The following DNAH9 variants were observed in gnomAD, a reference collection of about 807,000 sequenced individuals.
DNAH9 encodes the protein DNAH9 variant protein.
A neutral mutation model predicts 471.6 loss-of-function variants in DNAH9; 345 were observed. The observed-to-expected ratio is 0.73, with a 90% CI of 0.67 to 0.80. The LOEUF (loss-of-function observed/expected upper bound fraction) is 0.80. Among genes scored for constraint, DNAH9 ranks in the 30% least tolerant of loss-of-function variants. DNAH9 has a pLI of 0.00. For synonymous variants in DNAH9, 2,093 were observed against 2,123.6 expected, an observed-to-expected ratio of 0.99 and a Z score of 0.40; for missense variants, 5,407 against 5,609.2, an observed-to-expected ratio of 0.96 and a Z score of 1.15.
chr17:11,810,993 T>A (rs1048640186), intron 45 of DNAH9, among the ~76,000 whole-genome samples: 1 of 152,220 alleles, frequency 6.6e-6, no homozygotes, highest in African/African-American at 2.4e-5. Flanking sequence ...TTTATTGTCC[T>A]TCTTTATTTA....
rs1229499727 is a variant in DNAH9 at position 11,785,552 on chromosome 17, C to CAG, written c.8061+1017_8061+1018dup. ...AGCAGAAACCTACTAAACCCTGGTTCAGAGACTCAAGAGCTATGGACCAGG... is the reference window on the plus strand; with the variant it reads ...AGCAGAAACCTACTAAACCCTGGTTCAGAGAGACTCAAGAGCTATGGACCAGG... On this transcript the variant is annotated intron_variant, in intron 41 of 68. Transcript: ENST00000262442. Among the ~76,000 whole-genome samples the CAG allele has an allele frequency of 7.2e-5, 11 of 152,224 alleles. No individual in the cohort carries two copies. In the East Asian group the frequency reaches 2.1e-3, roughly 29 times the overall value.
At chr17:11,854,472 T>A in intron 50 of DNAH9, 44 bp downstream of exon 50, 1 of 1,561,564 alleles carries the variant, frequency 6.4e-7, no homozygotes, top group Non-Finnish European at 8.7e-7. Context: ...CCGCCTCCAA[T>A]ACAAACAACG....
intron 14 of DNAH9, among the ~76,000 whole-genome samples, chr17:11,655,655 C>A (rs1186638003): frequency 1.3e-5 from 2 of 151,058 alleles, no homozygotes; most frequent in African/African-American, 2.4e-5. Flanking sequence ...TAGACACACA[C>A]ACACACACCA....
intron 3 of DNAH9, among the ~76,000 whole-genome samples, chr17:11,611,046 T>TTGCTCCTGCTCCTGCTCCTGCTCC (rs61286679): frequency 6.6e-6 from 1 of 150,992 alleles, no homozygotes; most frequent in Admixed American, 6.6e-5. Context: ...GGCTTCATTA[T>TTGCTCCTGCTCCTGCTCCTGCTCC]TGCTCCTGCT....
intron 53 of DNAH9, 96 bp from the exon 54 acceptor site, chr17:11,879,982 C>A: frequency 2.1e-6 from 3 of 1,427,286 alleles, no homozygotes; most frequent in Non-Finnish European, 2.9e-6. Flanking sequence ...CCAACTATAC[C>A]ACCATGTCTT....
chr17:11,734,416 T>C (rs1012681607), intron 28 of DNAH9, among the ~76,000 whole-genome samples: 29 of 152,232 alleles, frequency 1.9e-4, no homozygotes, highest in African/African-American at 6.8e-4. Context: ...ATCGGTACTT[T>C]CTAAAAACTT....
intron 43 of DNAH9, among the ~76,000 whole-genome samples, chr17:11,805,501 T>G (rs894432324): frequency 1.4e-5 from 2 of 144,648 alleles, no homozygotes; most frequent in Non-Finnish European, 3.0e-5. Flanking sequence ...TCTACTCTAT[T>G]TGGCCAAACT....
intron 49 of DNAH9, among the ~76,000 whole-genome samples, chr17:11,838,578 T>A (rs904618328): frequency 5.3e-5 from 8 of 151,854 alleles, no homozygotes; most frequent in African/African-American, 9.7e-5. Flanking sequence ...AAGACCCAGA[T>A]GAATGAAGGG....
rs1197378401 is a variant in DNAH9 at position 11,669,451 on chromosome 17, T to C, written c.3010T>C (p.Cys1004Arg). 3 of 1,614,102 alleles carry C rather than the reference T, an allele frequency of 1.9e-6. No individual in the cohort carries two copies. Among genetic ancestry groups the C allele is most frequent in the Non-Finnish European group, 8.5e-7 (1 of 1,179,976 alleles). The change falls in exon 17 of 69, where the codon TGT becomes CGT. Residue 1004 changes from cysteine (C) to arginine (R), a missense_variant. This residue lies in a region of DNAH9 where 4,636 missense variants were observed against 4,900.3 expected (regional missense o/e 0.95). Transcript: ENST00000262442. ...AGTCCAGAGAATGATGGGCCTCTGC[T>C]GTGGCTATCAGAGCACCTTCAGCCA... ...ERVQRMMGLC[C>R]GYQSTFSQYS...
At chr17:11,601,330 G>A (rs1432591717) in intron 1 of DNAH9, among the ~76,000 whole-genome samples, 13 of 120,376 alleles carry the variant, frequency 1.1e-4, no homozygotes, top group South Asian at 8.9e-4. Flanking sequence ...GAAAGGAGGG[G>A]AAGAAGAGAG....
intron 50 of DNAH9, among the ~76,000 whole-genome samples, chr17:11,866,430 G>C (rs918763443): frequency 6.6e-6 from 1 of 152,110 alleles, no homozygotes; most frequent in South Asian, 2.1e-4. Context: ...TGCCCCTACT[G>C]GGGGGTGCCT....
At position 11,623,046 on chromosome 17, in the gene DNAH9, T is replaced by C. The variant is rs1226379630; in HGVS notation, c.1350+3265T>C. On this transcript the variant is annotated intron_variant, in intron 6 of 68. Transcript: ENST00000262442. This position sits in a 1 kb window ranked among gnomAD's most constrained non-coding sequence, Gnocchi z 4.1. ...TGGAGTGCAGTGGCACAATCTCGGCTCACGACAACCTCTGCCTCCTGGGTT... is the reference window on the plus strand; with the variant it reads ...TGGAGTGCAGTGGCACAATCTCGGCCCACGACAACCTCTGCCTCCTGGGTT... 4.1e-5 allele frequency among the ~76,000 whole-genome samples: 6 copies of C among 146,534 alleles called. No homozygotes were observed. The highest frequency in any genetic ancestry group is 7.5e-5 in the African/African-American group (3 of 39,758).
chr17:11,876,146 G>A (rs145934354), intron 53 of DNAH9, among the ~76,000 whole-genome samples: 19 of 152,208 alleles, frequency 1.2e-4, no homozygotes, highest in East Asian at 9.7e-4. Flanking sequence ...TTTGGCACTC[G>A]TGTTTATAGC....
At chr17:11,889,640 G>C (rs1972989285) in intron 57 of DNAH9, among the ~76,000 whole-genome samples, 1 of 152,226 alleles carries the variant, frequency 6.6e-6, no homozygotes, top group South Asian at 2.1e-4. Context: ...GCATTGGCAG[G>C]ACATAGTCAT....
Position 11,747,482 on chromosome 17 carries a change from G to A in DNAH9, c.6400-74G>A, listed in dbSNP as rs1597585776. On this transcript the variant is annotated intron_variant, in intron 31 of 68. Coordinates refer to ENST00000262442, the MANE Select transcript of DNAH9 (RefSeq NM_001372.4). Reference sequence around the variant, plus strand: ...CAGGTCTCACTTCAGACACCAGCTGGGGTCACAGAAGAGCAGTTGGGATGC... The same window carrying A: ...CAGGTCTCACTTCAGACACCAGCTGAGGTCACAGAAGAGCAGTTGGGATGC... The A allele has an allele frequency of 5.0e-6, 6 of 1,189,676 alleles. No individual in the cohort carries two copies. In the East Asian group the frequency reaches 1.4e-4, roughly 29 times the overall value. The allele number at this position is 1,189,676 out of a possible 1,614,324, so 73.7% of individuals were successfully genotyped here.
chr17:11,683,022 A>G (rs1032545678), intron 19 of DNAH9, among the ~76,000 whole-genome samples: 2 of 152,178 alleles, frequency 1.3e-5, no homozygotes, highest in African/African-American at 4.8e-5. Context: ...GAATTTTTGA[A>G]ATTGAACACC....
rs1348396334 is a variant in DNAH9 at position 11,894,466 on chromosome 17, C to T, written c.11376C>T (p.Phe3792=). The T allele has an allele frequency of 6.2e-7, 1 of 1,614,144 alleles. No homozygotes were observed. Among genetic ancestry groups the T allele is most frequent in the South Asian group, 1.1e-5 (1 of 91,080 alleles). ...CGGGCACCGCCAGCCCCGTGGAGTTCCTCTCCCATCAGGCGTGGGGAGCTG... is the reference window on the plus strand; with the variant it reads ...CGGGCACCGCCAGCCCCGTGGAGTTTCTCTCCCATCAGGCGTGGGGAGCTG... ...VQTGTASPVE[F]LSHQAWGAVK... Residue 3792 remains phenylalanine (F), a synonymous_variant, in exon 59 of 69, where the codon TTC becomes TTT. Coordinates refer to ENST00000262442, the MANE Select transcript of DNAH9 (RefSeq NM_001372.4).
chr17:11,933,761 C>G lies in DNAH9; in HGVS notation c.12298-119C>G, dbSNP rs149857681. 122 of 895,844 alleles carry G rather than the reference C, an allele frequency of 1.4e-4. No homozygotes were observed. In the East Asian group the frequency reaches 3.1e-3, roughly 22 times the overall value. The allele number at this position is 895,844 out of a possible 1,614,324, so 55.5% of individuals were successfully genotyped here. ...GTATGGAGAAAAATAAGACATTGCTCTCAATCTCAAGAAGCGTCCCTCTCT... is the reference window on the plus strand; with the variant it reads ...GTATGGAGAAAAATAAGACATTGCTGTCAATCTCAAGAAGCGTCCCTCTCT... On this transcript the variant is annotated intron_variant, in intron 64 of 68. Coordinates refer to ENST00000262442, the MANE Select transcript of DNAH9 (RefSeq NM_001372.4).
At chr17:11,818,724 C>T (rs552268134) in intron 45 of DNAH9, among the ~76,000 whole-genome samples, 1 of 151,944 alleles carries the variant, frequency 6.6e-6, no homozygotes, top group Non-Finnish European at 1.5e-5. Flanking sequence ...TGGAGTGAAC[C>T]ACATTCACCT....
Sources: allele counts gnomAD v4.1 joint callset (sites outside exome capture counted in the v4.1 genomes callset), GRCh38; gene constraint gnomAD v4.1.1; regional missense constraint gnomAD v4.1.1; non-coding constraint Gnocchi (gnomAD v3.1); transcripts MANE v1.5; gene names NCBI Gene and HGNC (gene_info 2026-07-23, HGNC 2026-07-21).